The following FCF1 variants were observed in gnomAD, a reference collection of about 807,000 sequenced individuals.
The protein encoded by FCF1 is FCF1 rRNA-processing protein, also known as rRNA-processing protein FCF1 homolog.
FCF1 carries 17 observed loss-of-function variants against 32.5 expected under a neutral mutation model. The observed-to-expected ratio is 0.52, with a 90% CI of 0.36 to 0.78. The LOEUF (loss-of-function observed/expected upper bound fraction) is 0.78. Ranked by LOEUF, FCF1 falls within the 30% of genes least tolerant of loss-of-function variation. FCF1 has a pLI of 0.00. For synonymous variants in FCF1, 84 were observed against 78.4 expected (o/e 1.07, Z -0.38); for missense variants, 201 against 241.1 (o/e 0.83, Z 1.10).
intron 4 of FCF1, among the ~76,000 whole-genome samples, chr14:74,717,792 T>C (rs971822216): frequency 6.6e-6 from 1 of 152,240 alleles, no homozygotes; most frequent in Non-Finnish European, 1.5e-5. Context: ...CTTCCTTGAC[T>C]CTATACCTCC....
chr14:74,722,961 CA>C (rs1387802373), intron 4 of FCF1, among the ~76,000 whole-genome samples: 1 of 151,556 alleles, frequency 6.6e-6, no homozygotes, highest in Non-Finnish European at 1.5e-5. Context: ...GACTCTGTCT[CA>C]AAAAAATAAT....
chr14:74,723,995 A>G (rs544826761), intron 5 of FCF1, among the ~76,000 whole-genome samples: 24 of 152,210 alleles, frequency 1.6e-4, no homozygotes, highest in Non-Finnish European at 2.8e-4. Flanking sequence ...ATAATTCTTA[A>G]ATTCACAGTG....
intron 5 of FCF1, among the ~76,000 whole-genome samples, chr14:74,724,063 C>A (rs1001892890): frequency 6.6e-6 from 1 of 152,042 alleles, no homozygotes; most frequent in Non-Finnish European, 1.5e-5. Context: ...TTGACAATGC[C>A]AAGAATAGTT....
chr14:74,718,607 G>A (rs2090453637), intron 4 of FCF1, among the ~76,000 whole-genome samples: 2 of 151,984 alleles, frequency 1.3e-5, no homozygotes, highest in South Asian at 4.2e-4. Context: ...CCGAGTAGCT[G>A]GGATTATAGG....
chr14:74,733,553 T>G (rs531312283), intron 6 of FCF1, among the ~76,000 whole-genome samples: 6 of 152,246 alleles, frequency 3.9e-5, no homozygotes, highest in South Asian at 2.1e-4. Context: ...CAGCTAAATA[T>G]TACTGCTTTT....
chr14:74,715,031 T>TAACAAA, intron 3 of FCF1, 88 bp downstream of exon 3: 2 of 1,330,152 alleles, frequency 1.5e-6, no homozygotes, highest in Non-Finnish European at 2.0e-6. Flanking sequence ...GCTAACTTAT[T>TAACAAA]TGTTAGTAAG....
At chr14:74,714,224 C>G (rs963346016) in intron 2 of FCF1, among the ~76,000 whole-genome samples, 1 of 152,216 alleles carries the variant, frequency 6.6e-6, no homozygotes. Flanking sequence ...GAGGCTGAGG[C>G]GGGTGGATCA....
At chr14:74,733,119 A>G (rs2090659585) in intron 6 of FCF1, among the ~76,000 whole-genome samples, 1 of 152,162 alleles carries the variant, frequency 6.6e-6, no homozygotes, top group Admixed American at 6.5e-5. Flanking sequence ...CTGATTCTTT[A>G]TCTCACAAAT....
chr14:74,735,706 A>AGGG lies in FCF1; in HGVS notation c.*776_*777insGGG, dbSNP rs2090698514. Reference sequence around the variant, plus strand: ...TGCCTCAGCCTCCCGAGTAGCTGGGATTACAGGTACACACCACCATGCTCA... The same window carrying AGGG: ...TGCCTCAGCCTCCCGAGTAGCTGGGAGGGTTACAGGTACACACCACCATGCTCA... On this transcript the variant is annotated 3_prime_UTR_variant, in exon 8 of 8. Coordinates refer to ENST00000341162, the MANE Select transcript of FCF1 (RefSeq NM_015962.5). The AGGG allele has an allele frequency of 6.6e-6, 1 of 150,378 alleles. No homozygotes were observed. The highest frequency in any genetic ancestry group is 2.5e-5 in the African/African-American group (1 of 40,598). The allele number at this position is 150,378 out of a possible 1,614,324, so 9.3% of individuals were successfully genotyped here. A position where few individuals can be genotyped will look rare whatever the true frequency, so the allele number is the denominator to read the frequency against.
chr14:74,715,238 A>G (rs1179136436), intron 3 of FCF1, among the ~76,000 whole-genome samples: 2 of 152,200 alleles, frequency 1.3e-5, no homozygotes, highest in African/African-American at 2.4e-5. Context: ...AGCAGTTCAT[A>G]AAAGAGAGAC....
chr14:74,727,702 T>TA (rs2090592181), intron 5 of FCF1, among the ~76,000 whole-genome samples: 1 of 152,232 alleles, frequency 6.6e-6, no homozygotes, highest in Non-Finnish European at 1.5e-5. Flanking sequence ...TCCTGAATGG[T>TA]AAAGCCTAGG....
Position 74,728,402 on chromosome 14 carries a change from G to C in FCF1, c.366-4329G>C, listed in dbSNP as rs1049966206. On this transcript the variant is annotated intron_variant, in intron 5 of 7. Transcript: ENST00000341162. ...GAGTTCACTCATGATTTGGCTCTCTGTTTGTCTGTTGTTGGTGTATAAGAA... is the reference window on the plus strand; with the variant it reads ...GAGTTCACTCATGATTTGGCTCTCTCTTTGTCTGTTGTTGGTGTATAAGAA... Among the ~76,000 whole-genome samples the C allele has an allele frequency of 3.7e-3, 562 of 152,136 alleles. 5 individuals carry two copies. Among genetic ancestry groups the C allele is most frequent in the African/African-American group, 0.013 (538 of 41,498 alleles).
chr14:74,718,693 A>G (rs988944101), intron 4 of FCF1, among the ~76,000 whole-genome samples: 3 of 151,890 alleles, frequency 2.0e-5, no homozygotes, highest in Non-Finnish European at 4.4e-5. Flanking sequence ...GTTGGTATCG[A>G]ACTCCTGACC....
chr14:74,730,382 A>T (rs1220822232), intron 5 of FCF1, among the ~76,000 whole-genome samples: 2 of 150,734 alleles, frequency 1.3e-5, no homozygotes, highest in Non-Finnish European at 3.0e-5. Flanking sequence ...ATGTCTGATT[A>T]TTTTTTTTCT....
chr14:74,715,013 G>A, intron 3 of FCF1, 70 bp downstream of exon 3: 3 of 1,479,466 alleles, frequency 2.0e-6, no homozygotes, highest in Non-Finnish European at 2.7e-6. Flanking sequence ...CTTTCCCTGA[G>A]CTGGTTTGCT....
At chr14:74,716,692 A>G (rs2090425792) in intron 4 of FCF1, among the ~76,000 whole-genome samples, 2 of 152,232 alleles carry the variant, frequency 1.3e-5, no homozygotes, top group Non-Finnish European at 2.9e-5. Context: ...TACCATGAAC[A>G]GGAAAAAGAA....
At chr14:74,728,227 T>C (rs1221629773) in intron 5 of FCF1, among the ~76,000 whole-genome samples, 3 of 152,248 alleles carry the variant, frequency 2.0e-5, no homozygotes, top group African/African-American at 7.2e-5. Flanking sequence ...TGATTCTTCC[T>C]ATCCATGAGC....
chr14:74,730,706 C>T (rs1043859929), intron 5 of FCF1, among the ~76,000 whole-genome samples: 16 of 152,116 alleles, frequency 1.1e-4, no homozygotes, highest in Non-Finnish European at 2.1e-4. Context: ...GAGCAAGACT[C>T]CATCTCAAAA....
Position 74,714,907 on chromosome 14 carries a change from A to C in FCF1, c.107A>C (p.Glu36Ala). 4 of 1,596,950 alleles carry C rather than the reference A, an allele frequency of 2.5e-6. No individual in the cohort carries two copies. Among genetic ancestry groups the C allele is most frequent in the African/African-American group, 1.4e-5 (1 of 74,040 alleles). ...EKDRLKPKKK[E>A]KKDPSALKER... The stretch of plus-strand genomic sequence containing the variant: ...GATAGATTAAAACCTAAAAAGAAAG[A>C]AAAGAAGGATCCCAGCGCATTAAAG... The change falls in exon 3 of 8, where the codon GAA becomes GCA. Residue 36 changes from glutamate (E) to alanine (A), a missense_variant. This residue lies in a region of FCF1 where 76 missense variants were observed against 75.0 expected (regional missense o/e 1.01). Coordinates refer to ENST00000341162, the MANE Select transcript of FCF1 (RefSeq NM_015962.5).
Sources: allele counts gnomAD v4.1 joint callset (sites outside exome capture counted in the v4.1 genomes callset), GRCh38; gene constraint gnomAD v4.1.1; regional missense constraint gnomAD v4.1.1; transcripts MANE v1.5; gene names NCBI Gene and HGNC (gene_info 2026-07-23, HGNC 2026-07-21).